The following NDST4 variants were observed in gnomAD, a reference collection of about 807,000 sequenced individuals.
NDST4 encodes the protein N-heparan sulfate sulfotransferase 4.
A neutral mutation model predicts 100.8 loss-of-function variants in NDST4; 63 were observed. The ratio of observed to expected loss-of-function variants is 0.62; its 90% CI spans 0.51 to 0.77. NDST4 has a LOEUF of 0.77. NDST4 is among the 30% of genes least tolerant of loss of function. The pLI, the probability that NDST4 is intolerant of heterozygous loss-of-function variation, is 0.00. For synonymous variants in NDST4, 377 were observed against 361.8 expected (o/e 1.04, Z -0.48); for missense variants, 943 against 1,018.4 (o/e 0.93, Z 1.01).
intron 6 of NDST4, among the ~76,000 whole-genome samples, chr4:114,929,029 T>C (rs181572864): frequency 2.9e-5 from 4 of 139,446 alleles, no homozygotes; most frequent in East Asian, 2.0e-4. Flanking sequence ...TCTATCTGTC[T>C]GTCTGTCTGT....
At chr4:115,025,029 T>G (rs1578464287) in intron 2 of NDST4, among the ~76,000 whole-genome samples, 1 of 152,332 alleles carries the variant, frequency 6.6e-6, no homozygotes, top group Admixed American at 6.5e-5. Flanking sequence ...ACAAAGGCCC[T>G]TAGCAGATGC....
chr4:115,101,343 A>G (rs1214672372), intron 1 of NDST4, among the ~76,000 whole-genome samples: 1 of 152,078 alleles, frequency 6.6e-6, no homozygotes. Context: ...GGAAATGTCC[A>G]CTAGTTTGCT....
At chr4:114,856,910 T>C (rs1723809339) in intron 7 of NDST4, among the ~76,000 whole-genome samples, 1 of 152,202 alleles carries the variant, frequency 6.6e-6, no homozygotes, top group Admixed American at 6.5e-5. Flanking sequence ...GTGTAAGTTG[T>C]ACATTGCAAC....
At position 115,012,007 on chromosome 4, in the gene NDST4, C is replaced by T. The variant is rs191950811; in HGVS notation, c.979-34733G>A. 4.1e-4 allele frequency among the ~76,000 whole-genome samples: 62 copies of T among 151,482 alleles called. No homozygotes were observed. In the East Asian group the frequency reaches 0.011, roughly 27 times the overall value. ...AGAAAAATGTGTATGTGTGTGTGTACGTGTGATAGGAGTAAAGTGAATAAA... is the reference window on the plus strand; with the variant it reads ...AGAAAAATGTGTATGTGTGTGTGTATGTGTGATAGGAGTAAAGTGAATAAA... On this transcript the variant is annotated intron_variant, in intron 2 of 13. Transcript: ENST00000264363.
At chr4:115,003,800 G>A (rs1727351669) in intron 2 of NDST4, among the ~76,000 whole-genome samples, 1 of 151,984 alleles carries the variant, frequency 6.6e-6, no homozygotes, top group African/African-American at 2.4e-5. Flanking sequence ...CCCGGGAGGT[G>A]GAGGTTGTAG....
At chr4:114,876,026 T>G (rs181755765) in intron 6 of NDST4, among the ~76,000 whole-genome samples, 11 of 152,328 alleles carry the variant, frequency 7.2e-5, no homozygotes, top group African/African-American at 2.2e-4. Flanking sequence ...TGCCTTACAG[T>G]GCCTTTAAAA....
At chr4:115,093,188 G>T (rs913356782) in intron 1 of NDST4, among the ~76,000 whole-genome samples, 1 of 152,044 alleles carries the variant, frequency 6.6e-6, no homozygotes, top group African/African-American at 2.4e-5. Context: ...TAATAAATTG[G>T]ATAGAACATT....
intron 2 of NDST4, among the ~76,000 whole-genome samples, chr4:114,996,631 G>A (rs1202955359): frequency 6.6e-6 from 1 of 151,938 alleles, no homozygotes; most frequent in Non-Finnish European, 1.5e-5. Flanking sequence ...CCCCCTCCTT[G>A]TACCTGTCAG....
At chr4:114,830,915 C>T (rs1037638978) in intron 12 of NDST4, among the ~76,000 whole-genome samples, 1 of 152,182 alleles carries the variant, frequency 6.6e-6, no homozygotes, top group African/African-American at 2.4e-5. Context: ...AAGTTTTCTT[C>T]ACAGTTCTCT....
In NDST4 at chr4:114,830,310, T is replaced by C. The variant is rs948011262; in HGVS notation, c.2397-418A>G. ...ATTTGAAATCATTCACTGGTATATA[T>C]TAAAGGGGTTGAATGTAATGTAGGT... On this transcript the variant is annotated intron_variant, in intron 12 of 13. Transcript: ENST00000264363. Among the ~76,000 whole-genome samples, 5 of 152,198 alleles carry C rather than the reference T, an allele frequency of 3.3e-5. 1 individual carries two copies. The South Asian group carries it at 1.0e-3, about 31-fold the overall frequency.
At chr4:115,031,075 C>T (rs990604796) in intron 2 of NDST4, among the ~76,000 whole-genome samples, 18 of 152,074 alleles carry the variant, frequency 1.2e-4, no homozygotes, top group African/African-American at 3.1e-4. Flanking sequence ...ATTGTTAGAA[C>T]AGTTTAATTT....
chr4:114,914,822 C>G (rs1725135638), intron 6 of NDST4, among the ~76,000 whole-genome samples: 1 of 152,022 alleles, frequency 6.6e-6, no homozygotes, highest in South Asian at 2.1e-4. Context: ...TTTTAAAAGG[C>G]AAGAGCAGCT....
At chr4:115,101,723 G>A (rs74626954) in intron 1 of NDST4, among the ~76,000 whole-genome samples, 1 of 152,060 alleles carries the variant, frequency 6.6e-6, no homozygotes, top group East Asian at 1.9e-4. Flanking sequence ...CAAAGTGGTG[G>A]TGAAGAAGCT....
intron 6 of NDST4, among the ~76,000 whole-genome samples, chr4:114,914,993 T>C (rs1725139989): frequency 6.6e-6 from 1 of 152,158 alleles, no homozygotes; most frequent in African/African-American, 2.4e-5. Flanking sequence ...TGATCTTTAT[T>C]TTCCCTTAAA....
At position 114,870,946 on chromosome 4, in the gene NDST4, C is replaced by A; in HGVS notation, c.1541G>T (p.Ser514Ile). ...LFLTILLNPI[S>I]IFMTHLSNYG... is the part of the protein sequence containing the mutation. ...GTTTGATAAATGGGTCATGAAAATG[C>A]TGATCTGAAAGATAAATAAAAATGA... Residue 514 changes from serine to isoleucine, a missense_variant, in exon 7 of 14, where the codon AGC (serine) becomes ATC (isoleucine). This residue lies in a region of NDST4 where 526 missense variants were observed against 634.1 expected (regional missense o/e 0.83). Coordinates refer to ENST00000264363, the MANE Select transcript of NDST4 (RefSeq NM_022569.3). The A allele has an allele frequency of 6.3e-7, 1 of 1,598,812 alleles. No homozygotes were observed. Among genetic ancestry groups the A allele is most frequent in the Non-Finnish European group, 8.5e-7 (1 of 1,173,226 alleles).
intron 1 of NDST4, among the ~76,000 whole-genome samples, chr4:115,105,182 G>A (rs543150082): frequency 3.3e-5 from 5 of 152,150 alleles, no homozygotes; most frequent in African/African-American, 9.6e-5. Context: ...TTACATGAAG[G>A]CTTCTACAAA....
intron 1 of NDST4, among the ~76,000 whole-genome samples, chr4:115,080,403 C>T (rs1729276716): frequency 6.6e-6 from 1 of 152,172 alleles, no homozygotes; most frequent in Non-Finnish European, 1.5e-5. Context: ...TCCCAAAATG[C>T]TGGGATTGCA....
At chr4:114,905,267 CT>C (rs5861196) in intron 6 of NDST4, among the ~76,000 whole-genome samples, 1 of 151,030 alleles carries the variant, frequency 6.6e-6, no homozygotes, top group Non-Finnish European at 1.5e-5. Flanking sequence ...GGAAATAAAG[CT>C]TAAGTGGCTT....
chr4:115,030,717 A>G (rs1392713135), intron 2 of NDST4, among the ~76,000 whole-genome samples: 1 of 152,136 alleles, frequency 6.6e-6, no homozygotes, highest in Non-Finnish European at 1.5e-5. Context: ...AGGAAAAACA[A>G]ATTCAGTTTG....
Sources: allele counts gnomAD v4.1 joint callset (sites outside exome capture counted in the v4.1 genomes callset), GRCh38; gene constraint gnomAD v4.1.1; regional missense constraint gnomAD v4.1.1; transcripts MANE v1.5; gene names NCBI Gene and HGNC (gene_info 2026-07-23, HGNC 2026-07-21).